FAR2: variants seen among roughly 807,000 people sequenced by gnomAD.
FAR2 encodes epididymis secretory protein Li 81.
Under a neutral mutation model 56.0 loss-of-function variants are expected in FAR2, and 19 were observed. That is an observed-to-expected ratio of 0.34 (90% CI 0.24 to 0.50). The LOEUF (loss-of-function observed/expected upper bound fraction) is 0.50, where lower values mean the gene tolerates loss of function less well. Among genes scored for constraint, FAR2 ranks in the 20% least tolerant of loss-of-function variants. The probability of loss-of-function intolerance (pLI) is 0.98; values close to 1 mark genes in which losing one functional copy is unlikely to be tolerated. For synonymous variants in FAR2, 219 were observed against 218.8 expected (o/e 1.00, Z -0.01); for missense variants, 508 against 642.2 (o/e 0.79, Z 2.26).
At chr12:29,178,183 TAA>T (rs11325990) in intron 1 of FAR2, among the ~76,000 whole-genome samples, 6,062 of 148,058 alleles carry the variant, frequency 0.041, 332 homozygotes, top group African/African-American at 0.13. Context: ...ATTATAACAA[TAA>T]AAAAAAAAAA....
chr12:29,204,118 C>T (rs1947451230), intron 1 of FAR2, among the ~76,000 whole-genome samples: 1 of 151,100 alleles, frequency 6.6e-6, no homozygotes, highest in African/African-American at 2.4e-5. Flanking sequence ...GCAAGTAGCA[C>T]AGTCAACTTG....
intron 1 of FAR2, among the ~76,000 whole-genome samples, chr12:29,192,473 T>G (rs952495918): frequency 1.3e-5 from 2 of 152,170 alleles, no homozygotes; most frequent in Admixed American, 6.5e-5. Context: ...TATGCAATCT[T>G]CTTTTCATCT....
chr12:29,299,150 T>A (rs1288938302), intron 4 of FAR2, among the ~76,000 whole-genome samples: 1 of 142,836 alleles, frequency 7.0e-6, no homozygotes, highest in Non-Finnish European at 1.5e-5. Flanking sequence ...GAGGTGGAGG[T>A]TGCAGTGAGC....
intron 4 of FAR2, among the ~76,000 whole-genome samples, chr12:29,299,895 G>A (rs1358219734): frequency 6.6e-6 from 1 of 152,164 alleles, no homozygotes; most frequent in Non-Finnish European, 1.5e-5. Context: ...TCTGGCTTAG[G>A]CACCCTTCCC....
Position 29,167,016 on chromosome 12 carries a change from C to T in FAR2, c.-39+17609C>T, listed in dbSNP as rs574114848. On this transcript the variant is annotated intron_variant, in intron 1 of 11. Coordinates refer to ENST00000536681, the MANE Select transcript of FAR2 (RefSeq NM_001271783.2). The stretch of plus-strand genomic sequence containing the variant: ...GTACCCTTGCCAACTGCTTCTATTC[C>T]TACCCTTTTTATTTGTTACTCCCAA... 6.6e-4 allele frequency among the ~76,000 whole-genome samples: 101 copies of T among 152,272 alleles called. 1 individual carries two copies. Among genetic ancestry groups the T allele is most frequent in the African/African-American group, 2.4e-3 (101 of 41,546 alleles).
chr12:29,277,172 T>A (rs187896897), intron 2 of FAR2, among the ~76,000 whole-genome samples: 1,746 of 152,202 alleles, frequency 0.011, 17 homozygotes, highest in Non-Finnish European at 0.018. Flanking sequence ...GAGACGGGGT[T>A]TCACCATCGT....
chr12:29,314,447 T>TTTA (rs1555124024), intron 8 of FAR2, among the ~76,000 whole-genome samples: 5 of 149,686 alleles, frequency 3.3e-5, no homozygotes, highest in East Asian at 2.0e-4. Context: ...TTTTTTTTTT[T>TTTA]ATCTGTCAAT....
At chr12:29,188,021 C>T (rs1410259692) in intron 1 of FAR2, among the ~76,000 whole-genome samples, 1 of 152,210 alleles carries the variant, frequency 6.6e-6, no homozygotes, top group Non-Finnish European at 1.5e-5. Flanking sequence ...ACTACCTTCA[C>T]TATGACTGTA....
intron 10 of FAR2, among the ~76,000 whole-genome samples, chr12:29,325,315 C>A (rs1949626986): frequency 6.6e-6 from 1 of 152,028 alleles, no homozygotes; most frequent in Non-Finnish European, 1.5e-5. Context: ...ACTTTAACAC[C>A]CCACTGTCAA....
In FAR2 at chr12:29,323,813, A is replaced by C. The variant is rs191702338; in HGVS notation, c.1257+1889A>C. ...AGATGGGGAAAAAACAGAGTAGAAAAACCGGAAACGCTAAAAATCAGAGTG... is the reference window on the plus strand; with the variant it reads ...AGATGGGGAAAAAACAGAGTAGAAACACCGGAAACGCTAAAAATCAGAGTG... On this transcript the variant is annotated intron_variant, in intron 10 of 11. Transcript: ENST00000536681. Among the ~76,000 whole-genome samples the C allele has an allele frequency of 9.3e-4, 141 of 152,308 alleles. 1 individual carries two copies. Among genetic ancestry groups the C allele is most frequent in the Non-Finnish European group, 1.3e-4 (9 of 68,028 alleles).
intron 1 of FAR2, among the ~76,000 whole-genome samples, chr12:29,168,792 A>T (rs371993150): frequency 7.9e-5 from 12 of 152,340 alleles, no homozygotes; most frequent in African/African-American, 2.6e-4. Flanking sequence ...TGTGAAGAGC[A>T]AAAGAACAAA....
intron 1 of FAR2, among the ~76,000 whole-genome samples, chr12:29,260,051 T>C (rs1427851625): frequency 6.6e-6 from 1 of 152,216 alleles, no homozygotes; most frequent in Non-Finnish European, 1.5e-5. Flanking sequence ...TATTATTGAC[T>C]GTAAAACTAT....
At chr12:29,310,113 T>G (rs1565518155) in intron 6 of FAR2, among the ~76,000 whole-genome samples, 1 of 152,218 alleles carries the variant, frequency 6.6e-6, no homozygotes, top group Non-Finnish European at 1.5e-5. Context: ...GCTTCCCACC[T>G]GCCTTCAACT....
intron 1 of FAR2, among the ~76,000 whole-genome samples, chr12:29,186,351 G>A (rs572429777): frequency 2.0e-5 from 3 of 152,316 alleles, no homozygotes; most frequent in African/African-American, 7.2e-5. Context: ...CCCGAGTGCA[G>A]GACTTCAGCT....
At chr12:29,309,888 A>C (rs1456717171) in intron 6 of FAR2, 2 of 152,204 alleles carry the variant, frequency 1.3e-5, no homozygotes, top group African/African-American at 4.8e-5. Flanking sequence ...TAGGGTCTAA[A>C]CCCCACTTCA....
At position 29,311,138 on chromosome 12, in the gene FAR2, A is replaced by C. The variant is rs1168634309; in HGVS notation, c.879A>C (p.Ala293=). 1 of 1,611,138 alleles carries C rather than the reference A, an allele frequency of 6.2e-7. No individual in the cohort carries two copies. The highest frequency in any genetic ancestry group is 8.5e-7 in the Non-Finnish European group (1 of 1,177,468). The change falls in exon 7 of 12, where the codon GCA becomes GCC. Residue 293 remains alanine (A), a synonymous_variant. Coordinates refer to ENST00000536681, the MANE Select transcript of FAR2 (RefSeq NM_001271783.2). ...TGCTAGCTGTAGGATGGTATACTGC[A>C]GTTCACAGGTGTGGATGCTCAAGTG... ...NLMLAVGWYT[A]VHRPKSTLVY... is the part of the protein sequence containing the mutation.
rs150314682 is a variant in FAR2 at position 29,269,177 on chromosome 12, A to G, written c.-38-1235A>G. Among the ~76,000 whole-genome samples the G allele has an allele frequency of 7.6e-4, 116 of 152,244 alleles. No individual in the cohort carries two copies. In the East Asian group the frequency reaches 0.021, roughly 28 times the overall value. On this transcript the variant is annotated intron_variant, in intron 1 of 11. Transcript: ENST00000536681. ...AGACTGGGGTCTATTTCACCCCTAG[A>G]GTCTTGACCATAAAAGACAGGTGCA...
At chr12:29,311,764 AG>A (rs1277540683) in intron 7 of FAR2, 118 bp from the exon 8 acceptor site, 2 of 654,670 alleles carry the variant, frequency 3.1e-6, no homozygotes, top group African/African-American at 3.7e-5. Flanking sequence ...AGCCTTTCAT[AG>A]GTTGCCTTAA....
chr12:29,231,864 A>G (rs1335535838), intron 1 of FAR2, among the ~76,000 whole-genome samples: 1 of 152,234 alleles, frequency 6.6e-6, no homozygotes, highest in Non-Finnish European at 1.5e-5. Context: ...AATCCTCACC[A>G]TCAAGAATCT....
Sources: gnomAD v4.1 joint callset for allele counts (sites outside exome capture counted in the v4.1 genomes callset) on GRCh38, gnomAD v4.1.1 for gene constraint, MANE v1.5 for transcripts, NCBI Gene and HGNC (gene_info 2026-07-23, HGNC 2026-07-21) for gene names.